Variants in RGL1 observed in about 807,000 individuals in gnomAD.
RGL1 encodes ral guanine nucleotide dissociation stimulator-like 1.
A neutral mutation model predicts 95.2 loss-of-function variants in RGL1; 24 were observed. The ratio of observed to expected loss-of-function variants is 0.25; its 90% CI spans 0.18 to 0.35. RGL1 has a LOEUF of 0.35. RGL1 is among the 10% of genes least tolerant of loss of function. The pLI is 1.00. For missense variants in RGL1, 715 were observed against 936.3 expected (o/e 0.76, Z 3.08); for synonymous variants, 329 against 344.9 (o/e 0.95, Z 0.51).
chr1:183,805,279 A>C lies in RGL1; in HGVS notation c.-19A>C. On this transcript the variant is annotated 5_prime_UTR_variant, in exon 1 of 18. Coordinates refer to ENST00000360851, the MANE Select transcript of RGL1 (RefSeq NM_001297671.3). ...AGGGCGCATCATGCAGCGTTCGCGC[A>C]CCGGAGAGAAAACTGAGAATGAAAT... 1.2e-6 allele frequency: 2 copies of C among 1,611,384 alleles called. No homozygotes were observed. Among genetic ancestry groups the C allele is most frequent in the Non-Finnish European group, 1.7e-6 (2 of 1,179,354 alleles).
chr1:183,818,436 T>G (rs985460930), intron 2 of RGL1, among the ~76,000 whole-genome samples: 7 of 152,254 alleles, frequency 4.6e-5, no homozygotes, highest in Non-Finnish European at 8.8e-5. Flanking sequence ...GTTCACTGGT[T>G]GACTGATGAA....
At chr1:183,793,633 C>T (rs1038087180) in intron 2 of RGL1, among the ~76,000 whole-genome samples, 1 of 151,558 alleles carries the variant, frequency 6.6e-6, no homozygotes, top group African/African-American at 2.4e-5. Flanking sequence ...ACAGACATTT[C>T]TCAAAAAAAG....
At chr1:183,890,984 G>A (rs1454230619) in intron 8 of RGL1, among the ~76,000 whole-genome samples, 1 of 152,086 alleles carries the variant, frequency 6.6e-6, no homozygotes, top group African/African-American at 2.4e-5. Flanking sequence ...AGCTGTTATT[G>A]TAAGAAAAAA....
intron 3 of RGL1, among the ~76,000 whole-genome samples, chr1:183,864,954 G>C (rs1417488651): frequency 6.6e-6 from 1 of 152,176 alleles, no homozygotes; most frequent in Non-Finnish European, 1.5e-5. Context: ...CCCATTAGTA[G>C]AAAACAAAAG....
At chr1:183,653,244 T>C (rs6699011) in intron 1 of RGL1, 10,469 of 152,316 alleles carry the variant, frequency 0.069, 626 homozygotes, top group African/African-American at 0.16. Context: ...TTGTGTCTAT[T>C]CGTTCATTTG....
At chr1:183,771,729 C>T (rs984927675) in intron 2 of RGL1, among the ~76,000 whole-genome samples, 2 of 152,168 alleles carry the variant, frequency 1.3e-5, no homozygotes, top group Admixed American at 6.5e-5. Flanking sequence ...TAGGGCTCCA[C>T]CCCCACGGAC....
At chr1:183,788,620 G>A (rs945152126) in intron 2 of RGL1, among the ~76,000 whole-genome samples, 1 of 152,154 alleles carries the variant, frequency 6.6e-6, no homozygotes, top group Non-Finnish European at 1.5e-5. Flanking sequence ...TACATGTTCT[G>A]TTGAGGTCAC....
chr1:183,728,648 C>G (rs547235494), intron 1 of RGL1, among the ~76,000 whole-genome samples: 209 of 152,196 alleles, frequency 1.4e-3, no homozygotes, highest in African/African-American at 3.9e-3. Context: ...AATGTTCAAG[C>G]CATTTCTAAA....
rs774810664 is a variant in RGL1, at chr1:183,847,813, A to G, written c.347+39A>G. The G allele has an allele frequency of 2.6e-6, 4 of 1,537,884 alleles. No individual in the cohort carries two copies. In the South Asian group the frequency reaches 4.5e-5, roughly 17 times the overall value. On this transcript the variant is annotated intron_variant, in intron 3 of 17. Coordinates refer to ENST00000360851, the MANE Select transcript of RGL1 (RefSeq NM_001297671.3). ...GGAGCTTTTGAGTTGAAAGAAATGT[A>G]GGCTGATTATGGAGTGGAGCACGAG... is the stretch of plus-strand genomic sequence containing the variant.
At chr1:183,721,966 T>C (rs1305644198) in intron 1 of RGL1, among the ~76,000 whole-genome samples, 1 of 152,242 alleles carries the variant, frequency 6.6e-6, no homozygotes, top group Non-Finnish European at 1.5e-5. Context: ...TTCACCATTG[T>C]GATTCAGCAT....
chr1:183,777,354 T>C (rs1659656895), intron 2 of RGL1, among the ~76,000 whole-genome samples: 1 of 152,218 alleles, frequency 6.6e-6, no homozygotes, highest in Non-Finnish European at 1.5e-5. Context: ...ATCTGGAAGA[T>C]TTTTCTTTTA....
chr1:183,780,727 T>C lies in RGL1; in HGVS notation c.133-25648T>C, dbSNP rs532963856. On this transcript the variant is annotated intron_variant, in intron 2 of 18. Transcript: ENST00000304685. ...GTGATACTTTCAGCGCGGTGGACTCTTTTGAGTCTCAGTTTTGCCTTACCT... is the reference window on the plus strand; with the variant it reads ...GTGATACTTTCAGCGCGGTGGACTCCTTTGAGTCTCAGTTTTGCCTTACCT... Among the ~76,000 whole-genome samples the C allele has an allele frequency of 7.2e-5, 11 of 152,350 alleles. No individual in the cohort carries two copies. In the East Asian group the frequency reaches 1.5e-3, roughly 21 times the overall value.
At chr1:183,666,159 C>T (rs1307555615) in intron 1 of RGL1, among the ~76,000 whole-genome samples, 5 of 151,904 alleles carry the variant, frequency 3.3e-5, no homozygotes, top group Non-Finnish European at 7.4e-5. Flanking sequence ...GCATGCACCA[C>T]CACACTCGGC....
chr1:183,688,702 TGCATG>T (rs1407984805), intron 1 of RGL1, among the ~76,000 whole-genome samples: 4 of 152,214 alleles, frequency 2.6e-5, no homozygotes, highest in Admixed American at 2.6e-4. Context: ...AACAGTATTA[TGCATG>T]TATTTAAATA....
chr1:183,681,082 T>G (rs371653663), intron 1 of RGL1, among the ~76,000 whole-genome samples: 31 of 152,320 alleles, frequency 2.0e-4, no homozygotes, highest in Non-Finnish European at 3.7e-4. Flanking sequence ...GGGCTGAGAC[T>G]ATGGGGTTTT....
chr1:183,638,330 G>A (rs1019379819), intron 1 of RGL1, among the ~76,000 whole-genome samples: 1 of 152,138 alleles, frequency 6.6e-6, no homozygotes, highest in Non-Finnish European at 1.5e-5. Context: ...TGTGAAAAAT[G>A]TCCTTTTCTA....
chr1:183,648,587 G>A (rs202076412), intron 1 of RGL1: 166 of 1,614,036 alleles, frequency 1.0e-4, no homozygotes, highest in Admixed American at 2.8e-4. Flanking sequence ...AAAATGTGAG[G>A]TGTTTTGTTT....
At chr1:183,915,626 C>T (rs1668914333) in intron 15 of RGL1, among the ~76,000 whole-genome samples, 1 of 152,198 alleles carries the variant, frequency 6.6e-6, no homozygotes, top group African/African-American at 2.4e-5. Flanking sequence ...ATCTTATTCT[C>T]CTCGTCTTTA....
intron 1 of RGL1, among the ~76,000 whole-genome samples, chr1:183,681,755 A>G (rs952667595): frequency 6.6e-6 from 1 of 151,766 alleles, no homozygotes; most frequent in African/African-American, 2.4e-5. Context: ...GAATGATACC[A>G]CCTCCTCTAT....
Sources: gnomAD v4.1 joint callset for allele counts (sites outside exome capture counted in the v4.1 genomes callset) on GRCh38, gnomAD v4.1.1 for gene constraint, MANE v1.5 for transcripts, NCBI Gene and HGNC (gene_info 2026-07-23, HGNC 2026-07-21) for gene names.